Variants in LYPLAL1 observed in about 807,000 individuals in gnomAD.
LYPLAL1 encodes lysophospholipase like 1.
Under a neutral mutation model 19.7 loss-of-function variants are expected in LYPLAL1, and 23 were observed. That is an observed-to-expected ratio of 1.17 (90% CI 0.84 to 1.65). LYPLAL1 has a LOEUF of 1.65. Among genes scored for constraint, LYPLAL1 ranks in the 40% most tolerant of loss-of-function variants. LYPLAL1 has a pLI of 0.00. For missense variants in LYPLAL1, 355 were observed against 279.4 expected, an observed-to-expected ratio of 1.27 and a Z score of -1.93; for synonymous variants, 119 against 96.3, an observed-to-expected ratio of 1.24 and a Z score of -1.38.
At chr1:219,390,403 A>C in the LYPLAL1 span, among the ~76,000 whole-genome samples, 1 of 152,212 alleles carries the variant, frequency 6.6e-6, no homozygotes, top group Non-Finnish European at 1.5e-5. Flanking sequence ...TAACCAAGGA[A>C]GATTAACTAC....
chr1:219,435,835 A>G, the LYPLAL1 span, among the ~76,000 whole-genome samples: 655 of 150,616 alleles, frequency 4.3e-3, 4 homozygotes, highest in African/African-American at 0.015. Flanking sequence ...CAAAAATGAT[A>G]ATAATAATAA....
chr1:219,235,971 A>G, the LYPLAL1 span, among the ~76,000 whole-genome samples: 1 of 152,228 alleles, frequency 6.6e-6, no homozygotes, highest in African/African-American at 2.4e-5. Flanking sequence ...CAGCCTTTCT[A>G]TCAAAGAAAT....
the LYPLAL1 span, among the ~76,000 whole-genome samples, chr1:219,435,706 G>A: frequency 1.8e-4 from 28 of 151,892 alleles, no homozygotes; most frequent in African/African-American, 6.3e-4. Flanking sequence ...CATGCCTGTA[G>A]TCCCAGCTAC....
the LYPLAL1 span, among the ~76,000 whole-genome samples, chr1:219,314,475 C>T: frequency 4.6e-5 from 7 of 151,662 alleles, no homozygotes; most frequent in African/African-American, 1.7e-4. Flanking sequence ...GATGGAGTTT[C>T]GCTCTGTCGC....
the LYPLAL1 span, among the ~76,000 whole-genome samples, chr1:219,337,789 A>G: frequency 6.6e-6 from 1 of 152,010 alleles, no homozygotes; most frequent in Non-Finnish European, 1.5e-5. Flanking sequence ...TTTGCATAAC[A>G]AGGACCAAAC....
chr1:219,399,531 G>A, the LYPLAL1 span, among the ~76,000 whole-genome samples: 5 of 152,172 alleles, frequency 3.3e-5, no homozygotes, highest in South Asian at 2.1e-4. Flanking sequence ...ATGCGCTGGC[G>A]AAGCAATGTG....
At chr1:219,369,298 G>A in the LYPLAL1 span, among the ~76,000 whole-genome samples, 1 of 152,338 alleles carries the variant, frequency 6.6e-6, no homozygotes, top group African/African-American at 2.4e-5. Context: ...TTGAGACAGA[G>A]TCTCGCTCTG....
chr1:219,426,601 CT>C, the LYPLAL1 span, among the ~76,000 whole-genome samples: 225 of 146,314 alleles, frequency 1.5e-3, no homozygotes, highest in African/African-American at 4.3e-3. Context: ...CAGGTAGGTA[CT>C]TTTTTTTTTT....
the LYPLAL1 span, among the ~76,000 whole-genome samples, chr1:219,421,013 A>T: frequency 6.6e-6 from 1 of 152,350 alleles, no homozygotes; most frequent in Admixed American, 6.5e-5. Context: ...ACTCCTGGGA[A>T]ATCTGAACCA....
the LYPLAL1 span, among the ~76,000 whole-genome samples, chr1:219,324,127 A>G: frequency 2.0e-5 from 3 of 152,210 alleles, no homozygotes; most frequent in African/African-American, 4.8e-5. Context: ...TCTTTACCCT[A>G]CAAGAAAACA....
the LYPLAL1 span, among the ~76,000 whole-genome samples, chr1:219,295,632 T>C: frequency 3.9e-5 from 6 of 152,236 alleles, no homozygotes; most frequent in Non-Finnish European, 7.3e-5. Context: ...TCTCTTCAAC[T>C]TCTCTTCACT....
intron 1 of LYPLAL1, chr1:219,174,834 C>T (rs1572143102): frequency 5.3e-6 from 5 of 935,776 alleles, no homozygotes; most frequent in Non-Finnish European, 6.4e-6. Context: ...GGGGGCCTAC[C>T]TAAAGTTAAA....
the LYPLAL1 span, among the ~76,000 whole-genome samples, chr1:219,243,678 G>A: frequency 2.0e-5 from 3 of 152,192 alleles, no homozygotes; most frequent in South Asian, 6.2e-4. Context: ...CCTGCACTTT[G>A]GGAGGCCGAG....
the LYPLAL1 span, among the ~76,000 whole-genome samples, chr1:219,361,487 A>G: frequency 6.6e-6 from 1 of 152,094 alleles, no homozygotes; most frequent in Non-Finnish European, 1.5e-5. Flanking sequence ...AACCCAAGCT[A>G]TTTCTCAGTG....
At chr1:219,337,203 T>A in the LYPLAL1 span, among the ~76,000 whole-genome samples, 2 of 152,026 alleles carry the variant, frequency 1.3e-5, no homozygotes, top group African/African-American at 4.8e-5. Context: ...GTTTAAGATC[T>A]TTAACTTAAT....
intron 2 of LYPLAL1, among the ~76,000 whole-genome samples, chr1:219,187,611 GTAA>G (rs1319876663): frequency 6.6e-6 from 1 of 151,660 alleles, no homozygotes; most frequent in African/African-American, 2.4e-5. Context: ...AATTCTAAAA[GTAA>G]TAAGATTTGC....
At chr1:219,380,684 T>C in the LYPLAL1 span, among the ~76,000 whole-genome samples, 58 of 152,364 alleles carry the variant, frequency 3.8e-4, no homozygotes, top group Middle Eastern at 3.4e-3. Flanking sequence ...GAAATCTTCC[T>C]TGATCTGGTT....
chr1:219,407,251 G>T, the LYPLAL1 span, among the ~76,000 whole-genome samples: 3 of 152,196 alleles, frequency 2.0e-5, no homozygotes, highest in Non-Finnish European at 2.9e-5. Context: ...ATGGTTCAAA[G>T]AAATGGTGAT....
chr1:219,300,429 A>T, the LYPLAL1 span, among the ~76,000 whole-genome samples: 290 of 152,194 alleles, frequency 1.9e-3, 2 homozygotes, highest in African/African-American at 6.0e-3. Context: ...GTCAATTTTT[A>T]AAAATTTTTA....
Sources: allele counts gnomAD v4.1 joint callset (sites outside exome capture counted in the v4.1 genomes callset), GRCh38; gene constraint gnomAD v4.1.1; transcripts MANE v1.5; gene names NCBI Gene and HGNC (gene_info 2026-07-23, HGNC 2026-07-21).